The following LY6G5B variants were observed in gnomAD, a reference collection of about 807,000 sequenced individuals.
LY6G5B encodes lymphocyte antigen 6 complex locus protein G5b.
A neutral mutation model predicts 6.7 loss-of-function variants in LY6G5B; 6 were observed. The observed-to-expected ratio is 0.89, with a 90% CI of 0.49 to 1.76. The LOEUF (loss-of-function observed/expected upper bound fraction) is 1.76, where lower values mean the gene tolerates loss of function less well. Among genes scored for constraint, LY6G5B ranks in the 40% most tolerant of loss-of-function variants. LY6G5B has a pLI of 0.01. For synonymous variants in LY6G5B, 98 were observed against 99.4 expected, an observed-to-expected ratio of 0.99 and a Z score of 0.09; for missense variants, 240 against 249.5, an observed-to-expected ratio of 0.96 and a Z score of 0.26.
chr6:31,671,747 G>A, intron 2 of LY6G5B, 117 bp from the exon 3 acceptor site: 1 of 1,256,212 alleles, frequency 8.0e-7, no homozygotes, highest in South Asian at 1.5e-5. Context: ...GCCTCTTGAA[G>A]GACTCTGGGT....
Position 31,671,997 on chromosome 6 carries a change from G to A in LY6G5B, c.321G>A (p.Trp107Ter), listed in dbSNP as rs1802261914. Reference sequence around the variant, plus strand: ...GTCAGTACGATTATTGCAACTCCTGGTCAAGCCCCCAACTCCAGAGCTCTC... The same window carrying A: ...GTCAGTACGATTATTGCAACTCCTGATCAAGCCCCCAACTCCAGAGCTCTC... The change falls in exon 3 of 3, where the codon TGG becomes TGA. Residue 107 changes from tryptophan to a stop codon, truncating the protein, a stop_gained. Coordinates refer to ENST00000375864, the Ensembl canonical transcript of LY6G5B. LOFTEE classifies it low-confidence loss of function (END_TRUNC). The A allele has an allele frequency of 1.9e-6, 3 of 1,612,932 alleles. No homozygotes were observed. Among genetic ancestry groups the A allele is most frequent in the Non-Finnish European group, 1.7e-6 (2 of 1,180,026 alleles).
chr6:31,672,233 G>A (rs757295239), exon 3 of LY6G5B: 1 of 1,613,078 alleles, frequency 6.2e-7, no homozygotes, highest in Non-Finnish European at 8.5e-7. Flanking sequence ...AATAGTTCAG[G>A]ACTTTTGGTT....
At chr6:31,672,338 C>T in exon 3 of LY6G5B, 2 of 1,527,030 alleles carry the variant, frequency 1.3e-6, no homozygotes, top group African/African-American at 1.4e-5. Flanking sequence ...ACTGCCCTCT[C>T]TGAAAACACC....
upstream of LY6G5B, chr6:31,670,022 G>C: frequency 1.0e-6 from 1 of 978,126 alleles, no homozygotes. Flanking sequence ...AATTAAAGGA[G>C]TCGTTATCGT....
chr6:31,671,889 A>C (rs1802248808), exon 3 of LY6G5B: 1 of 1,610,392 alleles, frequency 6.2e-7, no homozygotes, highest in African/African-American at 1.3e-5. Flanking sequence ...TCATCGTTCG[A>C]GGCTGTGGAC....
intron 1 of LY6G5B, 28 bp downstream of exon 1, chr6:31,671,036 A>G: frequency 2.5e-6 from 4 of 1,610,004 alleles, no homozygotes; most frequent in East Asian, 2.2e-5. Flanking sequence ...GCAGGGAGGG[A>G]GGAAGGGGTA....
At chr6:31,670,891 C>T in exon 1 of LY6G5B, 1 of 1,529,072 alleles carries the variant, frequency 6.5e-7, no homozygotes, top group East Asian at 2.3e-5. Context: ...AGCATGGTCA[C>T]AGGAAGGTGG....
At chr6:31,671,774 C>A in intron 2 of LY6G5B, 90 bp from the exon 3 acceptor site, 1 of 1,460,746 alleles carries the variant, frequency 6.8e-7, no homozygotes, top group Non-Finnish European at 9.2e-7. Flanking sequence ...TAAATTAGGT[C>A]TGGGTGAAGG....
exon 1 of LY6G5B, chr6:31,670,185 T>A: frequency 2.0e-6 from 1 of 499,980 alleles, no homozygotes; most frequent in African/African-American, 2.0e-5. Flanking sequence ...AGATTTGTGC[T>A]CAGTGGATTG....
At chr6:31,670,519 T>G (rs991622263) in exon 1 of LY6G5B, 3 of 185,748 alleles carry the variant, frequency 1.6e-5, no homozygotes, top group African/African-American at 7.1e-5. Flanking sequence ...ATGCTTGATT[T>G]CCTGGCCAGG....
exon 3 of LY6G5B, chr6:31,672,328 A>C: frequency 5.1e-6 from 8 of 1,558,738 alleles, no homozygotes; most frequent in Non-Finnish European, 7.0e-6. Flanking sequence ...AGCATCCTGC[A>C]CTGCCCTCTC....
At chr6:31,671,784 G>T (rs961272587) in intron 2 of LY6G5B, 80 bp from the exon 3 acceptor site, 1 of 1,499,902 alleles carries the variant, frequency 6.7e-7, no homozygotes, top group African/African-American at 1.4e-5. Flanking sequence ...CTGGGTGAAG[G>T]ATGGGAAAAG....
At position 31,670,915 on chromosome 6, in the gene LY6G5B, C is replaced by G. The variant is rs766459106; in HGVS notation, c.-36C>G. 1 of 1,560,944 alleles carries G rather than the reference C, an allele frequency of 6.4e-7. No individual in the cohort carries two copies. The highest frequency in any genetic ancestry group is 8.7e-7 in the Non-Finnish European group (1 of 1,154,832). On this transcript the variant is annotated 5_prime_UTR_variant, in exon 1 of 3. The change creates a new upstream start codon in the 5' untranslated region. Coordinates refer to ENST00000375864, the Ensembl canonical transcript of LY6G5B. ...ACAGGAAGGTGGGGTTTCAGGGCAT[C>G]CCCTCAGGAACTGCCCATCTCCCCA...
At chr6:31,670,929 C>A (rs762873405) in exon 1 of LY6G5B, 4 of 1,586,106 alleles carry the variant, frequency 2.5e-6, no homozygotes, top group Non-Finnish European at 3.4e-6. Flanking sequence ...TCAGGAACTG[C>A]CCATCTCCCC....
At chr6:31,673,023 T>C (rs1226702948) in exon 3 of LY6G5B, 1 of 152,366 alleles carries the variant, frequency 6.6e-6, no homozygotes, top group African/African-American at 2.4e-5. Flanking sequence ...CCCAGCACTT[T>C]GGGAGGCCGA....
exon 3 of LY6G5B, chr6:31,672,053 T>C: frequency 1.2e-6 from 2 of 1,613,080 alleles, no homozygotes; most frequent in East Asian, 2.2e-5. Flanking sequence ...CCCCTGGCCC[T>C]GCCTCTGTCT....
exon 1 of LY6G5B, chr6:31,670,784 C>T: frequency 1.5e-6 from 1 of 683,256 alleles, no homozygotes; most frequent in Non-Finnish European, 2.5e-6. Context: ...AACTTCCTTC[C>T]CAGCCAGGAT....
chr6:31,671,954 G>A lies in LY6G5B; in HGVS notation c.278G>A (p.Trp93Ter). 1.2e-6 allele frequency: 2 copies of A among 1,613,064 alleles called. No homozygotes were observed. The highest frequency in any genetic ancestry group is 1.7e-6 in the Non-Finnish European group (2 of 1,180,016). ...CGCAACACCTACTTTGCAGAGTACT[G>A]GTATCAGGCCCAGTGCTGTCAGTAC... Residue 93 changes from tryptophan (W) to a stop codon, truncating the protein, a stop_gained, in exon 3 of 3, where the codon TGG becomes TAG. Coordinates refer to ENST00000375864, the Ensembl canonical transcript of LY6G5B. LOFTEE classifies it low-confidence loss of function (END_TRUNC).
exon 3 of LY6G5B, chr6:31,672,001 A>G (rs773977290): frequency 1.2e-6 from 2 of 1,612,964 alleles, no homozygotes; most frequent in Non-Finnish European, 1.7e-6. Context: ...CTCCTGGTCA[A>G]GCCCCCAACT....
Sources: allele counts gnomAD v4.1 joint callset, GRCh38; gene constraint gnomAD v4.1.1; transcripts MANE v1.5; gene names NCBI Gene and HGNC (gene_info 2026-07-23, HGNC 2026-07-21).